TRPM6: variants seen among roughly 807,000 people sequenced by gnomAD.
The protein encoded by TRPM6 is channel kinase 2.
TRPM6 carries 111 observed loss-of-function variants against 247.6 expected under a neutral mutation model. The observed-to-expected ratio is 0.45, with a 90% CI of 0.38 to 0.52. The LOEUF (loss-of-function observed/expected upper bound fraction) is 0.52, where lower values mean the gene tolerates loss of function less well. TRPM6 is among the 20% of genes least tolerant of loss of function. The pLI, the probability that TRPM6 is intolerant of heterozygous loss-of-function variation, is 0.00. For missense variants in TRPM6, 2,126 were observed against 2,421.5 expected, an observed-to-expected ratio of 0.88 and a Z score of 2.56; for synonymous variants, 892 against 853.8, an observed-to-expected ratio of 1.04 and a Z score of -0.78.
chr9:74,791,659 A>C (rs1287383209), intron 19 of TRPM6, among the ~76,000 whole-genome samples: 5 of 152,170 alleles, frequency 3.3e-5, no homozygotes, highest in Admixed American at 2.6e-4. Context: ...TTCTCTCTAT[A>C]TTTATAAACA....
chr9:74,802,170 C>G lies in TRPM6; in HGVS notation c.1737G>C (p.Lys579Asn), dbSNP rs1828363028. 1.2e-6 allele frequency: 2 copies of G among 1,613,740 alleles called. No homozygotes were observed. The highest frequency in any genetic ancestry group is 2.7e-5 in the African/African-American group (2 of 75,036). Residue 579 changes from lysine (K) to asparagine (N), a missense_variant, in exon 16 of 39, where the codon AAG becomes AAC. By Grantham distance (94) the Lys-to-Asn change is moderately conservative. Coordinates refer to ENST00000360774, the MANE Select transcript of TRPM6 (RefSeq NM_017662.5). ...TCCTTGATTTATGAAGGACTATAGA[C>G]TTTTCCTGTTGGAAAATAAAATAGG... Reference protein sequence around the residue: ...RTAQPYKFKEKSIVLHKSRKK... With the variant: ...RTAQPYKFKENSIVLHKSRKK...
intron 5 of TRPM6, among the ~76,000 whole-genome samples, chr9:74,835,382 G>T (rs199946752): frequency 5.5e-5 from 6 of 110,036 alleles, no homozygotes; most frequent in Middle Eastern, 4.6e-3. Flanking sequence ...TATTATGAAT[G>T]TTTTTTTTAT....
At chr9:74,877,973 G>A (rs1222176849) in intron 1 of TRPM6, among the ~76,000 whole-genome samples, 1 of 151,948 alleles carries the variant, frequency 6.6e-6, no homozygotes, top group African/African-American at 2.4e-5. Context: ...ACCCAGTGCT[G>A]GAGCACACCA....
At chr9:74,767,267 A>G (rs1371141001) in intron 25 of TRPM6, among the ~76,000 whole-genome samples, 1 of 152,234 alleles carries the variant, frequency 6.6e-6, no homozygotes, top group African/African-American at 2.4e-5. Flanking sequence ...TGTACCAAAC[A>G]TGCTTAATGT....
At chr9:74,792,876 G>C in intron 18 of TRPM6, 106 bp from the exon 19 acceptor site, 1 of 1,163,688 alleles carries the variant, frequency 8.6e-7, no homozygotes, top group South Asian at 1.3e-5. Flanking sequence ...AAATTAGTTG[G>C]CTGGGGGCGG....
chr9:74,752,102 G>A (rs1329406971), intron 29 of TRPM6, among the ~76,000 whole-genome samples, 175 bp downstream of exon 29: 1 of 152,194 alleles, frequency 6.6e-6, no homozygotes, highest in Non-Finnish European at 1.5e-5. Flanking sequence ...ATAATGTGGA[G>A]GGGATTGAAA....
In TRPM6 at chr9:74,738,528, C is replaced by G; in HGVS notation, c.5655G>C (p.Lys1885Asn). Residue 1885 changes from lysine to asparagine, a missense_variant, in exon 36 of 39, where the codon AAG (lysine) becomes AAC (asparagine). Around this residue, in one of 3 missense-constraint regions of TRPM6, gnomAD observed 327 missense variants for 397.7 expected, o/e 0.82. Transcript: ENST00000360774. ...IEKYMTGEFRKYNNNNGDEIT... is the reference protein window; with the variant it reads ...IEKYMTGEFRNYNNNNGDEIT... The stretch of plus-strand genomic sequence containing the variant: ...TTTCATCACCATTGTTGTTGTTATA[C>G]TTCCGGAACTCCCCTGTCATATACT... The G allele has an allele frequency of 1.2e-6, 2 of 1,614,108 alleles. No homozygotes were observed. The highest frequency in any genetic ancestry group is 1.7e-6 in the Non-Finnish European group (2 of 1,180,006).
At chr9:74,754,780 G>A (rs1257759132) in intron 28 of TRPM6, among the ~76,000 whole-genome samples, 1 of 152,126 alleles carries the variant, frequency 6.6e-6, no homozygotes, top group African/African-American at 2.4e-5. Context: ...TATCTTTTCT[G>A]TTCACAATCT....
intron 18 of TRPM6, among the ~76,000 whole-genome samples, chr9:74,793,492 CA>C (rs1827977606): frequency 6.6e-6 from 1 of 152,130 alleles, no homozygotes; most frequent in Admixed American, 6.5e-5. Context: ...GCTGGGCTTA[CA>C]GTCACCCGCC....
intron 3 of TRPM6, among the ~76,000 whole-genome samples, chr9:74,847,760 C>T (rs1830159437): frequency 1.3e-5 from 2 of 151,798 alleles, no homozygotes; most frequent in South Asian, 2.1e-4. Flanking sequence ...TTTTAAGACC[C>T]ATAAGTAACT....
intron 20 of TRPM6, among the ~76,000 whole-genome samples, chr9:74,786,633 G>C (rs191435436): frequency 1.3e-5 from 2 of 152,094 alleles, no homozygotes; most frequent in Non-Finnish European, 2.9e-5. Flanking sequence ...CCAGCTACTC[G>C]GGAGTCTGAG....
intron 7 of TRPM6, among the ~76,000 whole-genome samples, chr9:74,824,290 A>G (rs961878417): frequency 3.3e-5 from 5 of 151,544 alleles, no homozygotes; most frequent in Non-Finnish European, 7.4e-5. Flanking sequence ...AGCTGGGATT[A>G]CAGGTGCGCG....
At chr9:74,885,017 T>C (rs772804821) in intron 1 of TRPM6, among the ~76,000 whole-genome samples, 6 of 152,158 alleles carry the variant, frequency 3.9e-5, no homozygotes, top group Non-Finnish European at 7.3e-5. Flanking sequence ...GTAAGAAAGC[T>C]GTGATAGAAA....
At chr9:74,887,121 T>C (rs937273191) in intron 1 of TRPM6, 2 of 616,648 alleles carry the variant, frequency 3.2e-6, no homozygotes, top group African/African-American at 3.8e-5. Flanking sequence ...GAACTTCCTG[T>C]TGCGCCATAT....
rs1587440674 is a variant in TRPM6, at chr9:74,724,636, G to A, written c.6046C>T (p.Pro2016Ser). Residue 2016 changes from proline to serine, a missense_variant, in exon 39 of 39, where the codon CCA (proline) becomes TCA (serine). Physicochemically the swap from Pro to Ser is moderately conservative, Grantham distance 74 (BLOSUM62 -1). Transcript: ENST00000360774. The part of the protein sequence containing the change: ...PPARETGRNS[P>S]EDDMQL Reference sequence around the variant, plus strand: ...TTTTATAGTTGCATATCATCTTCTGGGGAATTTCTACCCGTCTCCCTTGCT... The same window carrying A: ...TTTTATAGTTGCATATCATCTTCTGAGGAATTTCTACCCGTCTCCCTTGCT... The A allele has an allele frequency of 6.2e-7, 1 of 1,614,112 alleles. No homozygotes were observed.
intron 33 of TRPM6, among the ~76,000 whole-genome samples, chr9:74,741,356 C>T (rs59266828): frequency 3.7e-3 from 556 of 152,052 alleles, no homozygotes; most frequent in African/African-American, 0.013. Context: ...TATATGAACA[C>T]GGTACTGGTT....
At chr9:74,862,315 G>C (rs1425959585) in intron 1 of TRPM6, among the ~76,000 whole-genome samples, 1 of 152,120 alleles carries the variant, frequency 6.6e-6, no homozygotes, top group Non-Finnish European at 1.5e-5. Flanking sequence ...TCTGCCACTA[G>C]AGCAGCAAAT....
At chr9:74,765,173 T>A (rs1472378520) in intron 25 of TRPM6, among the ~76,000 whole-genome samples, 1 of 152,174 alleles carries the variant, frequency 6.6e-6, no homozygotes, top group African/African-American at 2.4e-5. Flanking sequence ...TCATACATTG[T>A]TGATAATTAT....
intron 4 of TRPM6, 94 bp from the exon 5 acceptor site, chr9:74,840,331 C>T: frequency 1.2e-6 from 1 of 810,934 alleles, no homozygotes; most frequent in Non-Finnish European, 2.1e-6. Context: ...ACTGAAATGG[C>T]CAAAATCTAA....
Sources: gnomAD v4.1 joint callset for allele counts (sites outside exome capture counted in the v4.1 genomes callset) on GRCh38, gnomAD v4.1.1 for gene constraint, gnomAD v4.1.1 regional missense constraint, MANE v1.5 for transcripts, NCBI Gene and HGNC (gene_info 2026-07-23, HGNC 2026-07-21) for gene names.